The following SCAP variants were observed in gnomAD, a reference collection of about 807,000 sequenced individuals.
SCAP encodes sterol regulatory element-binding protein cleavage-activating protein.
Under a neutral mutation model 123.6 loss-of-function variants are expected in SCAP, and 65 were observed. The observed-to-expected ratio is 0.53, with a 90% CI of 0.43 to 0.65. SCAP has a LOEUF of 0.65. SCAP is among the 30% of genes least tolerant of loss of function. The probability of loss-of-function intolerance (pLI) is 0.00; values close to 1 mark genes in which losing one functional copy is unlikely to be tolerated. For synonymous variants in SCAP, 740 were observed against 726.3 expected (o/e 1.02, Z -0.30); for missense variants, 1,398 against 1,712.5 (o/e 0.82, Z 3.24).
intron 18 of SCAP, among the ~76,000 whole-genome samples, chr3:47,415,664 C>G (rs1283629451): frequency 3.3e-5 from 5 of 152,138 alleles, no homozygotes; most frequent in African/African-American, 4.8e-5. Context: ...CAAGGATTTT[C>G]TTTGCTCTCC....
chr3:47,434,810 C>A (rs1301945808), intron 3 of SCAP, 198 bp downstream of exon 3: 4 of 567,618 alleles, frequency 7.0e-6, no homozygotes, highest in African/African-American at 5.8e-5. Flanking sequence ...GCACTCCAGC[C>A]TGGACAACAG....
At chr3:47,418,089 G>A (rs761115851) in intron 16 of SCAP, 45 bp downstream of exon 16, 1 of 1,437,914 alleles carries the variant, frequency 7.0e-7, no homozygotes, top group South Asian at 1.2e-5. Context: ...GGTGGGGTGA[G>A]GGGGGTTGTG....
rs1223220257 is a variant in SCAP at position 47,427,182 on chromosome 3, G to C, written c.712C>G (p.Leu238Val). The C allele has an allele frequency of 6.2e-7, 1 of 1,613,648 alleles. No homozygotes were observed. ...RKRMVSYTIT[L>V]VFQHYHAKFL... is the part of the protein sequence containing the mutation. The stretch of plus-strand genomic sequence containing the variant: ...TTGGCATGGTAGTGCTGGAAGACCA[G>C]GGTGATGGTGTAGGAGACCATCCTC... The change falls in exon 6 of 23, where the codon CTG becomes GTG. Residue 238 changes from leucine (L) to valine (V), a missense_variant. Coordinates refer to ENST00000265565, the MANE Select transcript of SCAP (RefSeq NM_012235.4).
intron 3 of SCAP, among the ~76,000 whole-genome samples, chr3:47,431,782 A>G (rs1370523860): frequency 6.6e-6 from 1 of 152,188 alleles, no homozygotes; most frequent in Non-Finnish European, 1.5e-5. Context: ...GGTGTCTGTC[A>G]GGCTTCTTCA....
chr3:47,444,776 G>A (rs933302157), intron 1 of SCAP, among the ~76,000 whole-genome samples: 19 of 139,416 alleles, frequency 1.4e-4, no homozygotes, highest in Admixed American at 1.1e-3. Flanking sequence ...CACCCGGCCA[G>A]TACTTCATTA....
upstream of SCAP, chr3:47,477,030 G>A (rs114663663): frequency 1.3e-3 from 200 of 152,716 alleles, no homozygotes; most frequent in African/African-American, 4.7e-3. Context: ...CCAATGCAAG[G>A]CAGAAATTAG....
rs919932986 is a variant in SCAP, at chr3:47,426,258, C to T, written c.738-89G>A. 2.4e-5 allele frequency: 31 copies of T among 1,314,670 alleles called. 1 individual carries two copies. In the African/African-American group the frequency reaches 3.9e-4, roughly 16 times the overall value. 81.4% of individuals were successfully genotyped at this position (1,314,670 alleles called of 1,614,324 possible). ...TCCCCGGACAGAGGGTCCATCAGGA[C>T]CTCCCTCCTGCCCCTGTGTTGAAAG... On this transcript the variant is annotated intron_variant, in intron 6 of 22. Transcript: ENST00000265565.
chr3:47,428,485 G>A (rs768321435), intron 4 of SCAP, 28 bp downstream of exon 4: 2 of 1,610,444 alleles, frequency 1.2e-6, no homozygotes, highest in African/African-American at 2.7e-5. Context: ...ATGGGATTCA[G>A]GGAGGCCAGG....
At chr3:47,455,575 A>C (rs1271715771) in intron 1 of SCAP, among the ~76,000 whole-genome samples, 1 of 147,502 alleles carries the variant, frequency 6.8e-6, no homozygotes, top group Non-Finnish European at 1.5e-5. Context: ...AGCCTGGGTG[A>C]CAGAGCAAGA....
intron 2 of SCAP, among the ~76,000 whole-genome samples, chr3:47,438,738 C>T (rs563508472): frequency 2.6e-5 from 4 of 151,020 alleles, no homozygotes; most frequent in South Asian, 2.1e-4. Flanking sequence ...CGCTTGAACC[C>T]GGGAGGTGGA....
At chr3:47,432,854 T>C (rs143838773) in intron 3 of SCAP, among the ~76,000 whole-genome samples, 1 of 152,064 alleles carries the variant, frequency 6.6e-6, no homozygotes, top group Non-Finnish European at 1.5e-5. Context: ...TTGGAAACCA[T>C]CCTCTCTCAT....
At chr3:47,438,245 A>C (rs60369822) in intron 2 of SCAP, among the ~76,000 whole-genome samples, 57,502 of 152,030 alleles carry the variant, frequency 0.38, 11,236 homozygotes, top group East Asian at 0.53. Context: ...ATTACAGAAA[A>C]CAATTACACA....
chr3:47,457,279 T>C (rs961578291), intron 1 of SCAP, among the ~76,000 whole-genome samples: 5 of 152,192 alleles, frequency 3.3e-5, no homozygotes, highest in South Asian at 2.1e-4. Context: ...CATGTAAATG[T>C]ATTTCTACAT....
At chr3:47,444,798 T>G (rs1050565401) in intron 1 of SCAP, among the ~76,000 whole-genome samples, 1 of 148,136 alleles carries the variant, frequency 6.8e-6, no homozygotes, top group Non-Finnish European at 1.5e-5. Context: ...TTTTTTTTTT[T>G]TGAGATGGGG....
chr3:47,473,645 C>T (rs1708155526), intron 1 of SCAP, among the ~76,000 whole-genome samples: 1 of 152,180 alleles, frequency 6.6e-6, no homozygotes, highest in African/African-American at 2.4e-5. Context: ...GCAAACAGCA[C>T]ATGAACCTGT....
At chr3:47,434,268 G>T (rs979020570) in intron 3 of SCAP, among the ~76,000 whole-genome samples, 29 of 152,216 alleles carry the variant, frequency 1.9e-4, no homozygotes, top group Admixed American at 6.5e-5. Context: ...AACAGATTCA[G>T]CAAGTCCAGC....
At chr3:47,453,397 G>GA (rs11386934) in intron 1 of SCAP, among the ~76,000 whole-genome samples, 141,811 of 148,906 alleles carry the variant, frequency 0.95, 67,885 homozygotes, top group East Asian at 1. Context: ...ATTTTTAATG[G>GA]AAAAAAAAAA....
At chr3:47,434,837 CAA>C (rs200779259) in intron 3 of SCAP, 169 bp downstream of exon 3, 1 of 757,148 alleles carries the variant, frequency 1.3e-6, no homozygotes, top group South Asian at 2.0e-5. Flanking sequence ...AACTCCATCT[CAA>C]AAAAAAATGT....
At chr3:47,418,030 T>TG in intron 16 of SCAP, 104 bp downstream of exon 16, 1 of 599,006 alleles carries the variant, frequency 1.7e-6, no homozygotes, top group South Asian at 1.6e-5. Context: ...CTGGAGGGGT[T>TG]GGGGGATACC....
Sources: gnomAD v4.1 joint callset for allele counts (sites outside exome capture counted in the v4.1 genomes callset) on GRCh38, gnomAD v4.1.1 for gene constraint, MANE v1.5 for transcripts, NCBI Gene and HGNC (gene_info 2026-07-23, HGNC 2026-07-21) for gene names.